The following ACOXL variants were observed in gnomAD, a reference collection of about 807,000 sequenced individuals.
ACOXL encodes the protein acyl-coenzyme A oxidase-like protein.
A neutral mutation model predicts 71.9 loss-of-function variants in ACOXL; 70 were observed. The ratio of observed to expected loss-of-function variants is 0.97; its 90% CI spans 0.80 to 1.19. The LOEUF is 1.19. ACOXL is among the 50% of genes most tolerant of loss of function. The probability of loss-of-function intolerance (pLI) is 0.00; values close to 1 mark genes in which losing one functional copy is unlikely to be tolerated. For missense variants in ACOXL, 703 were observed against 736.3 expected (o/e 0.95, Z 0.52); for synonymous variants, 253 against 281.6 (o/e 0.90, Z 1.02).
intron 14 of ACOXL, among the ~76,000 whole-genome samples, chr2:111,017,380 C>A (rs892390710): frequency 2.0e-5 from 3 of 152,158 alleles, no homozygotes; most frequent in African/African-American, 7.2e-5. Context: ...GAAAAGGGAC[C>A]CCAGAAAGTT....
In ACOXL at chr2:111,019,315, A is replaced by G. The variant is rs187518241; in HGVS notation, c.1282-12312A>G. Among the ~76,000 whole-genome samples, 24 of 152,356 alleles carry G rather than the reference A, an allele frequency of 1.6e-4. No homozygotes were observed. The East Asian group carries it at 4.4e-3, about 28-fold the overall frequency. ...AAATGGGAGAAAGTATCAAACATTT[A>G]TTTACACATCTGTTGTTGGAAATTA... is the stretch of plus-strand genomic sequence containing the variant. On this transcript the variant is annotated intron_variant, in intron 14 of 17. Transcript: ENST00000439055.
chr2:110,900,268 A>G (rs954301282), intron 10 of ACOXL, among the ~76,000 whole-genome samples: 1 of 152,188 alleles, frequency 6.6e-6, no homozygotes, highest in Non-Finnish European at 1.5e-5. Flanking sequence ...AGAGTAAGTT[A>G]GTGCTTTGTT....
chr2:111,079,749 G>A (rs1435309538), intron 16 of ACOXL, among the ~76,000 whole-genome samples: 10 of 151,676 alleles, frequency 6.6e-5, no homozygotes, highest in Admixed American at 6.6e-4. Context: ...TGCATTCAGT[G>A]AAAGAGATGG....
Position 110,886,918 on chromosome 2 carries a change from T to A in ACOXL, c.789-21871T>A, listed in dbSNP as rs1385551953. On this transcript the variant is annotated intron_variant, in intron 10 of 17. Coordinates refer to ENST00000439055, the MANE Select transcript of ACOXL (RefSeq NM_001142807.4). ...TTGCTCGTGAAATCAGCCACTTAACTGTTCTGGGTTTTCCCGTGGCAGATC... is the reference window on the plus strand; with the variant it reads ...TTGCTCGTGAAATCAGCCACTTAACAGTTCTGGGTTTTCCCGTGGCAGATC... The A allele has an allele frequency of 4.6e-6, 7 of 1,533,266 alleles. No individual in the cohort carries two copies. In the African/African-American group the frequency reaches 9.6e-5, roughly 21 times the overall value. The allele number at this position is 1,533,266 out of a possible 1,614,324, so 95.0% of individuals were successfully genotyped here.
intron 12 of ACOXL, among the ~76,000 whole-genome samples, chr2:110,978,332 C>T (rs2062550306): frequency 6.6e-6 from 1 of 152,210 alleles, no homozygotes; most frequent in South Asian, 2.1e-4. Context: ...TAATCGCATC[C>T]ACAAGGGAGG....
chr2:110,900,106 CA>C, intron 10 of ACOXL, among the ~76,000 whole-genome samples: 1 of 80,398 alleles, frequency 1.2e-5, no homozygotes, highest in Non-Finnish European at 3.5e-5. Context: ...CACACACACA[CA>C]CACACACACA....
chr2:110,917,837 C>A (rs1452139844), intron 11 of ACOXL, among the ~76,000 whole-genome samples: 1 of 152,106 alleles, frequency 6.6e-6, no homozygotes, highest in South Asian at 2.1e-4. Context: ...CCTAGGAATC[C>A]AACTTACAAG....
In ACOXL at chr2:110,842,773, C is replaced by T. The variant is rs1042634866; in HGVS notation, c.788+1368C>T. ...AGAATTTTATGGCCTGTATCAGGGG[C>T]GGAGGGGAAGGGGAAGGTGAGAGTG... On this transcript the variant is annotated intron_variant, in intron 10 of 17. Transcript: ENST00000439055. Among the ~76,000 whole-genome samples the T allele has an allele frequency of 7.2e-5, 11 of 151,978 alleles. No individual in the cohort carries two copies. In the East Asian group the frequency reaches 7.7e-4, roughly 11 times the overall value.
chr2:110,959,501 C>T (rs758157442), intron 12 of ACOXL, among the ~76,000 whole-genome samples: 11 of 152,146 alleles, frequency 7.2e-5, no homozygotes, highest in African/African-American at 1.2e-4. Flanking sequence ...GCTGATGGCC[C>T]GTTGTCACTA....
At chr2:110,865,805 T>C (rs779059492) in intron 10 of ACOXL, among the ~76,000 whole-genome samples, 3 of 152,096 alleles carry the variant, frequency 2.0e-5, no homozygotes, top group Non-Finnish European at 2.9e-5. Context: ...ATGTAAATGA[T>C]AGCATAATCT....
chr2:110,812,758 G>T (rs1687490312), intron 9 of ACOXL, among the ~76,000 whole-genome samples: 1 of 152,240 alleles, frequency 6.6e-6, no homozygotes, highest in Admixed American at 6.5e-5. Flanking sequence ...TTTCCATTTT[G>T]AATTTGCTTC....
At chr2:110,843,176 C>CTCTGGG (rs1235554604) in intron 10 of ACOXL, among the ~76,000 whole-genome samples, 1 of 152,198 alleles carries the variant, frequency 6.6e-6, no homozygotes, top group Admixed American at 6.5e-5. Context: ...TAAGATCTTG[C>CTCTGGG]TCTAGTTCAG....
chr2:110,835,230 A>G (rs897113878), intron 9 of ACOXL, among the ~76,000 whole-genome samples: 2 of 151,808 alleles, frequency 1.3e-5, no homozygotes, highest in African/African-American at 4.8e-5. Flanking sequence ...TTTATTTTTA[A>G]CTTAAGTGTG....
intron 13 of ACOXL, among the ~76,000 whole-genome samples, chr2:110,991,314 C>T (rs985274404): frequency 1.3e-5 from 2 of 152,070 alleles, no homozygotes; most frequent in African/African-American, 4.8e-5. Context: ...TGTTGTTGCT[C>T]AGTCTCATTC....
chr2:110,891,134 T>G (rs1003949547), intron 10 of ACOXL, among the ~76,000 whole-genome samples: 1 of 152,170 alleles, frequency 6.6e-6, no homozygotes, highest in African/African-American at 2.4e-5. Context: ...CCTACAACCT[T>G]GCTGAACTTG....
Position 111,082,727 on chromosome 2 carries a change from A to T in ACOXL, c.1441-10138A>T, listed in dbSNP as rs181653923. 5.8e-3 allele frequency among the ~76,000 whole-genome samples: 876 copies of T among 152,314 alleles called. 3 individuals are homozygous for T. The highest frequency in any genetic ancestry group is 0.02 in the South Asian group (96 of 4,820). On this transcript the variant is annotated intron_variant, in intron 16 of 17. Transcript: ENST00000439055. The stretch of plus-strand genomic sequence containing the variant: ...ATAAATCATGCTACTATAAAGACAC[A>T]TGCACACATATGTTTATTGCAGCAC...
chr2:110,839,521 T>C (rs1464114355), intron 9 of ACOXL, among the ~76,000 whole-genome samples: 3 of 152,224 alleles, frequency 2.0e-5, no homozygotes, highest in African/African-American at 7.2e-5. Flanking sequence ...ATTCAGGTGA[T>C]TGTGATGTGC....
At chr2:111,000,597 G>T (rs574451329) in intron 14 of ACOXL, among the ~76,000 whole-genome samples, 3 of 152,344 alleles carry the variant, frequency 2.0e-5, no homozygotes, top group African/African-American at 7.2e-5. Flanking sequence ...GCAGGGCCCT[G>T]CTCCCTCTGA....
Position 110,794,086 on chromosome 2 carries a change from A to G in ACOXL, c.257A>G (p.Tyr86Cys). The change falls in exon 5 of 18, where the codon TAC (tyrosine) becomes TGC (cysteine). Residue 86 changes from tyrosine (Y) to cysteine (C), a missense_variant. Transcript: ENST00000439055. ...TCTGGTAAACTCCAGGAGCAGAAATACACTGGGATGTTTGCAATGACCGAG... is the reference window on the plus strand; with the variant it reads ...TCTGGTAAACTCCAGGAGCAGAAATGCACTGGGATGTTTGCAATGACCGAG... ...KWFQPLQEQK[Y>C]TGMFAMTERG... 1 of 1,614,140 alleles carries G rather than the reference A, an allele frequency of 6.2e-7. No individual in the cohort carries two copies. Among genetic ancestry groups the G allele is most frequent in the South Asian group, 1.1e-5 (1 of 91,082 alleles).
Sources: gnomAD v4.1 joint callset for allele counts (sites outside exome capture counted in the v4.1 genomes callset) on GRCh38, gnomAD v4.1.1 for gene constraint, MANE v1.5 for transcripts, NCBI Gene and HGNC (gene_info 2026-07-23, HGNC 2026-07-21) for gene names.